CLCN3: variants seen among roughly 807,000 people sequenced by gnomAD.
The protein encoded by CLCN3 is Cl-/H+ antiporter 3, also known as H(+)/Cl(-) exchange transporter 3.
Under a neutral mutation model 83.4 loss-of-function variants are expected in CLCN3, and 16 were observed. The ratio of observed to expected loss-of-function variants is 0.19; its 90% confidence interval spans 0.13 to 0.29. The LOEUF (loss-of-function observed/expected upper bound fraction) is 0.29, where lower values mean the gene tolerates loss of function less well. Ranked by LOEUF, CLCN3 falls within the 10% of genes least tolerant of loss-of-function variation. The pLI, the probability that CLCN3 is intolerant of heterozygous loss-of-function variation, is 1.00. For missense variants in CLCN3, 544 were observed against 1,006.0 expected, an observed-to-expected ratio of 0.54 and a Z score of 6.21; for synonymous variants, 322 against 346.2, an observed-to-expected ratio of 0.93 and a Z score of 0.78.
chr4:169,688,250 A>G (rs532362011), intron 4 of CLCN3, among the ~76,000 whole-genome samples: 1 of 152,342 alleles, frequency 6.6e-6, no homozygotes, highest in African/African-American at 2.4e-5. Context: ...TGGCTAAACC[A>G]GGATTTGAAT....
At chr4:169,677,529 G>A (rs901327073) in intron 2 of CLCN3, among the ~76,000 whole-genome samples, 41 of 152,094 alleles carry the variant, frequency 2.7e-4, no homozygotes, top group African/African-American at 9.9e-4. Flanking sequence ...TTATGTTTTT[G>A]TTTTCTTTCT....
rs369150724 is a variant in CLCN3, at chr4:169,695,211, T to C, written c.937-401T>C. 6.3e-4 allele frequency among the ~76,000 whole-genome samples: 96 copies of C among 152,320 alleles called. 1 individual carries two copies. In the South Asian group the frequency reaches 0.014, roughly 22 times the overall value. On this transcript the variant is annotated intron_variant, in intron 7 of 12. Coordinates refer to ENST00000513761, the MANE Select transcript of CLCN3 (RefSeq NM_001829.4). ...GCTACGATTTGGAATAGAGTATTTA[T>C]GGTGGAGCAGTTAGCTCTAAAATTT...
intron 12 of CLCN3, among the ~76,000 whole-genome samples, chr4:169,715,576 A>C (rs745519865): frequency 6.6e-6 from 1 of 152,152 alleles, no homozygotes; most frequent in African/African-American, 2.4e-5. Context: ...GAAGTTCTGC[A>C]TAGCTATCAT....
At chr4:169,635,319 A>G (rs1773475265) in intron 1 of CLCN3, among the ~76,000 whole-genome samples, 1 of 152,184 alleles carries the variant, frequency 6.6e-6, no homozygotes. Context: ...TAGGAGTAAT[A>G]CAGATTTAAG....
At chr4:169,634,711 T>A (rs1248458493) in intron 1 of CLCN3, among the ~76,000 whole-genome samples, 1 of 152,302 alleles carries the variant, frequency 6.6e-6, no homozygotes, top group African/African-American at 2.4e-5. Context: ...GATTTTTTTT[T>A]AAATTGAAAA....
chr4:169,643,491 A>G (rs1480568990), intron 2 of CLCN3, among the ~76,000 whole-genome samples: 2 of 152,056 alleles, frequency 1.3e-5, no homozygotes, highest in Non-Finnish European at 1.5e-5. Context: ...CGGCCTCCCA[A>G]AGTGTTAGGA....
intron 12 of CLCN3, 56 bp from the exon 13 acceptor site, chr4:169,719,851 C>G (rs1240948661): frequency 1.1e-5 from 15 of 1,399,966 alleles, no homozygotes; most frequent in Non-Finnish European, 1.5e-5. Context: ...ATAGATTTAG[C>G]TTCTCCTTTT....
rs945429534 is a variant in CLCN3, at chr4:169,641,530, C to A, written c.160+5442C>A. Among the ~76,000 whole-genome samples the A allele has an allele frequency of 3.3e-5, 5 of 152,282 alleles. No homozygotes were observed. The South Asian group carries it at 8.3e-4, about 25-fold the overall frequency. On this transcript the variant is annotated intron_variant, in intron 2 of 12. Coordinates refer to ENST00000513761, the MANE Select transcript of CLCN3 (RefSeq NM_001829.4). ...ACTTAAGCTACCTTCTGAGCTATTACAAGAGATTCCAGTATTTTCATTCAA... is the reference window on the plus strand; with the variant it reads ...ACTTAAGCTACCTTCTGAGCTATTAAAAGAGATTCCAGTATTTTCATTCAA...
In CLCN3 at chr4:169,631,004, T is replaced by A. The variant is rs530621090; in HGVS notation, c.-16-4909T>A. Among the ~76,000 whole-genome samples, 94 of 152,196 alleles carry A rather than the reference T, an allele frequency of 6.2e-4. 1 individual carries two copies. In the South Asian group the frequency reaches 0.014, roughly 22 times the overall value. On this transcript the variant is annotated intron_variant, in intron 1 of 12. Transcript: ENST00000513761. ...ATGGCATTGCTGGGTCAAATGGTAT[T>A]TCTGTTTTAAGTTCTTTGATAAATC...
intron 12 of CLCN3, among the ~76,000 whole-genome samples, chr4:169,718,255 CTT>C (rs74320481): frequency 2.1e-5 from 3 of 140,948 alleles, no homozygotes; most frequent in Admixed American, 7.2e-5. Flanking sequence ...CCCGCAAGCC[CTT>C]TTTTTTTTTT....
intron 12 of CLCN3, among the ~76,000 whole-genome samples, chr4:169,719,454 ACT>A (rs1733550759): frequency 1.3e-5 from 2 of 152,232 alleles, no homozygotes; most frequent in South Asian, 2.1e-4. Context: ...ACAGAGCGAG[ACT>A]CTGTCTCAAA....
In CLCN3 at chr4:169,679,783, G is replaced by C. The variant is rs181326884; in HGVS notation, c.161-267G>C. Among the ~76,000 whole-genome samples the C allele has an allele frequency of 2.2e-3, 335 of 152,222 alleles. 4 individuals are homozygous for C. The highest frequency in any genetic ancestry group is 7.8e-3 in the African/African-American group (325 of 41,550). ...CGCGTGCCTGCAATCCCAGGCACTC[G>C]GCAGGCTGAGGCAGGAGAATCAGGC... On this transcript the variant is annotated intron_variant, in intron 2 of 12. Transcript: ENST00000513761.
chr4:169,620,626 C>A lies in CLCN3; in HGVS notation c.-454C>A, dbSNP rs1773088281. ...GCCGGTCCGGTCCGGAACCTGCAGC[C>A]CCTTTCCCAGTGTTCTAGTTCGCCC... On this transcript the variant is annotated 5_prime_UTR_variant, in exon 1 of 13. Transcript: ENST00000513761. 2 of 397,530 alleles carry A rather than the reference C, an allele frequency of 5.0e-6. No individual in the cohort carries two copies. The highest frequency in any genetic ancestry group is 1.4e-4 in the South Asian group (1 of 7,058). 24.6% of individuals were successfully genotyped at this position (397,530 alleles called of 1,614,324 possible).
chr4:169,649,826 A>G (rs1446187156), intron 2 of CLCN3, among the ~76,000 whole-genome samples: 1 of 152,134 alleles, frequency 6.6e-6, no homozygotes, highest in Non-Finnish European at 1.5e-5. Flanking sequence ...GCTCATGCCT[A>G]TAATCCCAGC....
At chr4:169,656,532 T>C (rs1288721871) in intron 2 of CLCN3, among the ~76,000 whole-genome samples, 1 of 152,180 alleles carries the variant, frequency 6.6e-6, no homozygotes, top group Non-Finnish European at 1.5e-5. Flanking sequence ...GGGATTACAA[T>C]GCAACATGAG....
intron 8 of CLCN3, 23 bp downstream of exon 8, chr4:169,695,715 T>C: frequency 1.4e-6 from 2 of 1,471,342 alleles, no homozygotes; most frequent in Non-Finnish European, 1.9e-6. Flanking sequence ...AATACAACAA[T>C]TAAAATTATA....
At chr4:169,718,280 C>T (rs1324150711) in intron 12 of CLCN3, among the ~76,000 whole-genome samples, 1 of 150,804 alleles carries the variant, frequency 6.6e-6, no homozygotes, top group Non-Finnish European at 1.5e-5. Context: ...AAATGTTTCC[C>T]GATCTTGTGG....
chr4:169,628,187 A>G (rs779226714), intron 1 of CLCN3, among the ~76,000 whole-genome samples: 3 of 152,218 alleles, frequency 2.0e-5, no homozygotes, highest in Non-Finnish European at 2.9e-5. Context: ...ACTGAAATAT[A>G]AAAATATTAA....
intron 2 of CLCN3, among the ~76,000 whole-genome samples, chr4:169,672,341 T>G (rs1011016561): frequency 3.3e-5 from 5 of 152,080 alleles, no homozygotes; most frequent in African/African-American, 1.2e-4. Flanking sequence ...GGATTCACCA[T>G]GTTAGCCAGT....
Sources: gnomAD v4.1 joint callset for allele counts (sites outside exome capture counted in the v4.1 genomes callset) on GRCh38, gnomAD v4.1.1 for gene constraint, MANE v1.5 for transcripts, NCBI Gene and HGNC (gene_info 2026-07-23, HGNC 2026-07-21) for gene names.